CDH12: variants seen among roughly 807,000 people sequenced by gnomAD.
CDH12 encodes the protein cadherin-12.
A neutral mutation model predicts 74.1 loss-of-function variants in CDH12; 41 were observed. The observed-to-expected ratio is 0.55, with a 90% confidence interval of 0.43 to 0.72. The LOEUF (loss-of-function observed/expected upper bound fraction) is 0.72. CDH12 is among the 30% of genes least tolerant of loss of function. The probability of loss-of-function intolerance (pLI) is 0.00; values close to 1 mark genes in which losing one functional copy is unlikely to be tolerated. For synonymous variants in CDH12, 399 were observed against 355.0 expected (o/e 1.12, Z -1.39); for missense variants, 945 against 977.2 (o/e 0.97, Z 0.44).
intron 2 of CDH12, among the ~76,000 whole-genome samples, chr5:22,467,284 C>T (rs940660329): frequency 8.5e-5 from 13 of 152,180 alleles, no homozygotes. Context: ...TCCATTTGTA[C>T]TCTTACATCA....
At chr5:22,769,270 C>T (rs376572171) in intron 1 of CDH12, among the ~76,000 whole-genome samples, 25 of 152,232 alleles carry the variant, frequency 1.6e-4, no homozygotes, top group Admixed American at 1.3e-4. Context: ...GCTGCCAGCG[C>T]GGCTAGAACA....
chr5:22,804,949 T>C (rs1214455811), intron 1 of CDH12, among the ~76,000 whole-genome samples: 1 of 152,190 alleles, frequency 6.6e-6, no homozygotes, highest in Non-Finnish European at 1.5e-5. Flanking sequence ...GTTTTTAAAA[T>C]CTTACTGAAC....
At chr5:22,339,525 AGAAGCAATAAAT>A (rs1463205864) in intron 3 of CDH12, among the ~76,000 whole-genome samples, 1 of 152,204 alleles carries the variant, frequency 6.6e-6, no homozygotes, top group Non-Finnish European at 1.5e-5. Context: ...TAGACTGAGG[AGAAGCAATAAAT>A]GAAGCTAATG....
chr5:21,966,164 T>G (rs2910527), intron 6 of CDH12, among the ~76,000 whole-genome samples: 33 of 151,492 alleles, frequency 2.2e-4, no homozygotes, highest in East Asian at 1.2e-3. Context: ...TTACGTTTTT[T>G]TTTTTTTTTT....
chr5:22,655,208 T>C (rs1162279259), intron 1 of CDH12, among the ~76,000 whole-genome samples: 1 of 152,208 alleles, frequency 6.6e-6, no homozygotes, highest in African/African-American at 2.4e-5. Context: ...GGCAATGCCC[T>C]GGACTGACTC....
At chr5:22,688,147 CG>C (rs1580888940) in intron 1 of CDH12, among the ~76,000 whole-genome samples, 1 of 151,848 alleles carries the variant, frequency 6.6e-6, no homozygotes, top group African/African-American at 2.4e-5. Flanking sequence ...TAACAACTGG[CG>C]TCCAGGAGAT....
chr5:22,532,296 A>C (rs1490050156), intron 1 of CDH12, among the ~76,000 whole-genome samples: 2 of 138,400 alleles, frequency 1.4e-5, no homozygotes, highest in East Asian at 4.3e-4. Flanking sequence ...TAGAGGAGCT[A>C]TGGTTTGATT....
chr5:21,792,598 CTTTTT>C (rs371352944), intron 10 of CDH12, among the ~76,000 whole-genome samples: 6 of 121,722 alleles, frequency 4.9e-5, no homozygotes, highest in Admixed American at 8.5e-5. Flanking sequence ...TTCCTCTGCC[CTTTTT>C]TTTTTTTTTT....
At chr5:22,481,863 T>G (rs1746396762) in intron 2 of CDH12, among the ~76,000 whole-genome samples, 1 of 151,200 alleles carries the variant, frequency 6.6e-6, no homozygotes, top group Admixed American at 6.6e-5. Context: ...GATCTCATGT[T>G]AAGTGCGCTT....
At chr5:22,389,238 T>C (rs1366340582) in intron 3 of CDH12, among the ~76,000 whole-genome samples, 1 of 152,194 alleles carries the variant, frequency 6.6e-6, no homozygotes, top group East Asian at 1.9e-4. Context: ...ATTTGGCACA[T>C]TAAAAGCTAA....
intron 9 of CDH12, among the ~76,000 whole-genome samples, chr5:21,813,883 C>A (rs146485377): frequency 2.0e-5 from 3 of 152,206 alleles, no homozygotes; most frequent in African/African-American, 7.2e-5. Context: ...AGCTTGAATT[C>A]ATCACTGCTG....
intron 1 of CDH12, among the ~76,000 whole-genome samples, chr5:22,508,384 A>C (rs1158324478): frequency 2.0e-5 from 3 of 152,128 alleles, no homozygotes; most frequent in Non-Finnish European, 4.4e-5. Flanking sequence ...AGAAAATCAA[A>C]ATATTTTACC....
At chr5:22,517,494 C>G (rs1159826132) in intron 1 of CDH12, among the ~76,000 whole-genome samples, 1 of 152,022 alleles carries the variant, frequency 6.6e-6, no homozygotes, top group Non-Finnish European at 1.5e-5. Flanking sequence ...TATTATCAGC[C>G]ACAAAACTAG....
intron 6 of CDH12, among the ~76,000 whole-genome samples, chr5:21,924,135 T>C (rs1754480974): frequency 6.6e-6 from 1 of 152,140 alleles, no homozygotes; most frequent in Admixed American, 6.5e-5. Context: ...AAACTAAAAG[T>C]AGTTATAATT....
chr5:21,861,812 T>C (rs1751060151), intron 6 of CDH12, among the ~76,000 whole-genome samples: 1 of 152,048 alleles, frequency 6.6e-6, no homozygotes, highest in Non-Finnish European at 1.5e-5. Context: ...GTATATTTTC[T>C]AACATTCTCA....
At chr5:22,565,607 A>G (rs1351839477) in intron 1 of CDH12, among the ~76,000 whole-genome samples, 1 of 152,152 alleles carries the variant, frequency 6.6e-6, no homozygotes, top group African/African-American at 2.4e-5. Flanking sequence ...AAGAGAAGTA[A>G]GAGAAGTCAC....
intron 3 of CDH12, among the ~76,000 whole-genome samples, chr5:22,317,719 T>C (rs535295444): frequency 7.9e-5 from 12 of 152,170 alleles, no homozygotes; most frequent in Non-Finnish European, 1.3e-4. Context: ...AATAAATACT[T>C]CTTGCTCATG....
intron 5 of CDH12, among the ~76,000 whole-genome samples, chr5:22,044,178 T>C (rs1193506863): frequency 2.0e-5 from 3 of 152,160 alleles, no homozygotes; most frequent in Non-Finnish European, 1.5e-5. Flanking sequence ...TTCCTGACTT[T>C]AAAATATACT....
chr5:22,744,195 C>A (rs945746607), intron 1 of CDH12, among the ~76,000 whole-genome samples: 1 of 151,838 alleles, frequency 6.6e-6, no homozygotes, highest in African/African-American at 2.4e-5. Context: ...TTTGGGAGGC[C>A]GAGACGGGCG....
Sources: allele counts gnomAD v4.1 joint callset (sites outside exome capture counted in the v4.1 genomes callset), GRCh38; gene constraint gnomAD v4.1.1; transcripts MANE v1.5; gene names NCBI Gene and HGNC (gene_info 2026-07-23, HGNC 2026-07-21).